The following PKD1L1 variants were observed in gnomAD, a reference collection of about 807,000 sequenced individuals.
The protein encoded by PKD1L1 is polycystin-1-like protein 1.
A neutral mutation model predicts 323.4 loss-of-function variants in PKD1L1; 236 were observed. The observed-to-expected ratio is 0.73, with a 90% confidence interval of 0.66 to 0.81. The LOEUF (loss-of-function observed/expected upper bound fraction) is 0.81. PKD1L1 is among the 40% of genes least tolerant of loss of function. PKD1L1 has a pLI of 0.00. For synonymous variants in PKD1L1, 1,344 were observed against 1,335.0 expected (o/e 1.01, Z -0.15); for missense variants, 3,320 against 3,508.0 (o/e 0.95, Z 1.35).
chr7:47,807,851 C>T (rs1474141345), intron 52 of PKD1L1, among the ~76,000 whole-genome samples: 2 of 152,204 alleles, frequency 1.3e-5, no homozygotes, highest in Non-Finnish European at 2.9e-5. Context: ...GGTGTCTTCA[C>T]TTGCAGAGTG....
chr7:47,778,628 T>G (rs1481691520), intron 56 of PKD1L1, among the ~76,000 whole-genome samples: 1 of 151,732 alleles, frequency 6.6e-6, no homozygotes, highest in Non-Finnish European at 1.5e-5. Flanking sequence ...TGTGCTTAAG[T>G]CTAGTATAGA....
chr7:47,939,320 C>T (rs1467725275), intron 3 of PKD1L1, among the ~76,000 whole-genome samples: 1 of 152,148 alleles, frequency 6.6e-6, no homozygotes, highest in East Asian at 1.9e-4. Context: ...ATGAGGAATA[C>T]TGAAAAATGA....
chr7:47,884,557 A>C (rs1405564359), intron 19 of PKD1L1, 41 bp downstream of exon 19: 1 of 1,569,302 alleles, frequency 6.4e-7, no homozygotes, highest in Middle Eastern at 1.7e-4. Flanking sequence ...TGTGGAGGAG[A>C]GCTGAGTGGA....
chr7:47,846,189 G>T (rs12673502), intron 32 of PKD1L1, among the ~76,000 whole-genome samples: 24,818 of 152,156 alleles, frequency 0.16, 2,419 homozygotes, highest in East Asian at 0.22. Context: ...AAAAGGAAAT[G>T]ACTATTTCTG....
At position 47,803,282 on chromosome 7, in the gene PKD1L1, A is replaced by G; in HGVS notation, c.7890T>C (p.Pro2630=). ...AGGATGCCATTGTGTTTTGAATGCC[A>G]GGAAGATAGACGCATTTTAATGTGA... ...FLFTLKCVYL[P]GIQNTMASCS... Residue 2630 remains proline, a synonymous_variant, in exon 53 of 57, where the codon CCT becomes CCC. Transcript: ENST00000289672. The G allele has an allele frequency of 6.2e-7, 1 of 1,614,182 alleles. No homozygotes were observed. The highest frequency in any genetic ancestry group is 8.5e-7 in the Non-Finnish European group (1 of 1,180,038).
intron 16 of PKD1L1, among the ~76,000 whole-genome samples, chr7:47,888,600 T>G (rs1786735786): frequency 6.6e-6 from 1 of 152,246 alleles, no homozygotes; most frequent in Non-Finnish European, 1.5e-5. Flanking sequence ...ACTTTCCCCG[T>G]GGCCGTCCAC....
At chr7:47,891,798 C>T (rs1786824964) in intron 15 of PKD1L1, among the ~76,000 whole-genome samples, 1 of 152,206 alleles carries the variant, frequency 6.6e-6, no homozygotes, top group Non-Finnish European at 1.5e-5. Flanking sequence ...GGTGCTAGGG[C>T]ATGCGGATGT....
At chr7:47,797,169 T>C (rs1784562260) in intron 54 of PKD1L1, among the ~76,000 whole-genome samples, 2 of 152,214 alleles carry the variant, frequency 1.3e-5, no homozygotes, top group African/African-American at 4.8e-5. Context: ...CCCTCCATGC[T>C]GCTAAGCAGC....
chr7:47,846,414 A>G (rs1785665963), intron 32 of PKD1L1, among the ~76,000 whole-genome samples: 1 of 152,210 alleles, frequency 6.6e-6, no homozygotes. Context: ...CTTCACCACC[A>G]GGCTGTGGAG....
In PKD1L1 at chr7:47,897,918, G is replaced by A. The variant is rs112033479; in HGVS notation, c.2271+70C>T. 3.6e-5 allele frequency: 46 copies of A among 1,280,896 alleles called. No individual in the cohort carries two copies. The African/African-American group carries it at 5.4e-4, about 15-fold the overall frequency. The allele number at this position is 1,280,896 out of a possible 1,614,324, so 79.3% of individuals were successfully genotyped here. ...ACAGGTGTTGAATTCCAAATGCTGA[G>A]CTCTTGCTCCAGGGCGATGAGAAGC... On this transcript the variant is annotated intron_variant, in intron 14 of 56. Transcript: ENST00000289672.
chr7:47,944,131 T>C (rs946762428), intron 1 of PKD1L1, among the ~76,000 whole-genome samples: 1 of 152,232 alleles, frequency 6.6e-6, no homozygotes, highest in African/African-American at 2.4e-5. Context: ...AAATCTCATG[T>C]TGAATTGTAA....
At chr7:47,920,301 A>AAAC (rs1554412804) in intron 7 of PKD1L1, among the ~76,000 whole-genome samples, 13 of 139,656 alleles carry the variant, frequency 9.3e-5, no homozygotes, top group Non-Finnish European at 1.8e-4. Flanking sequence ...ACAAAAACAA[A>AAAC]AAAAAAAAAC....
chr7:47,799,819 G>A (rs1784621750), intron 54 of PKD1L1, among the ~76,000 whole-genome samples: 1 of 152,208 alleles, frequency 6.6e-6, no homozygotes, highest in Non-Finnish European at 1.5e-5. Flanking sequence ...CACCTGTAGG[G>A]CCTTCTGGAA....
chr7:47,801,224 T>C (rs1334142812), intron 53 of PKD1L1, among the ~76,000 whole-genome samples: 3 of 152,072 alleles, frequency 2.0e-5, no homozygotes, highest in East Asian at 3.9e-4. Context: ...TAGGAAGCCA[T>C]GGTTGCCATG....
At chr7:47,813,398 G>T in intron 48 of PKD1L1, 105 bp from the exon 49 acceptor site, 1 of 1,187,700 alleles carries the variant, frequency 8.4e-7, no homozygotes, top group Non-Finnish European at 1.2e-6. Context: ...GCTCTGTCCT[G>T]CAACATGGCA....
At chr7:47,836,309 G>A (rs895925533) in intron 37 of PKD1L1, among the ~76,000 whole-genome samples, 4 of 152,144 alleles carry the variant, frequency 2.6e-5, no homozygotes, top group African/African-American at 9.7e-5. Flanking sequence ...GCCACACTAC[G>A]ACCCAGCGGT....
chr7:47,794,257 C>T (rs759454517), intron 55 of PKD1L1, among the ~76,000 whole-genome samples: 35 of 152,154 alleles, frequency 2.3e-4, no homozygotes, highest in Non-Finnish European at 1.2e-4. Context: ...AGCAGCCTCT[C>T]CCATCATAGG....
intron 41 of PKD1L1, 39 bp downstream of exon 41, chr7:47,833,051 A>T: frequency 6.3e-7 from 1 of 1,583,696 alleles, no homozygotes; most frequent in Non-Finnish European, 8.6e-7. Flanking sequence ...GGTCTGCTGG[A>T]CTGGCAGGAA....
intron 39 of PKD1L1, 26 bp from the exon 40 acceptor site, chr7:47,834,411 T>A: frequency 6.3e-7 from 1 of 1,599,888 alleles, no homozygotes; most frequent in Non-Finnish European, 8.6e-7. Context: ...AAAAATCCAA[T>A]GTACGATGCT....
Sources: allele counts gnomAD v4.1 joint callset (sites outside exome capture counted in the v4.1 genomes callset), GRCh38; gene constraint gnomAD v4.1.1; transcripts MANE v1.5; gene names NCBI Gene and HGNC (gene_info 2026-07-23, HGNC 2026-07-21).